Variants in DCT observed in about 807,000 individuals in gnomAD.
DCT encodes L-dopachrome tautomerase.
In DCT, 47 loss-of-function variants were observed where a neutral mutation model predicts 53.0. The ratio of observed to expected loss-of-function variants is 0.89; its 90% CI spans 0.70 to 1.13. The LOEUF (loss-of-function observed/expected upper bound fraction) is 1.13. Among genes scored for constraint, DCT ranks in the 50% most tolerant of loss-of-function variants. The pLI, the probability that DCT is intolerant of heterozygous loss-of-function variation, is 0.00. For missense variants in DCT, 669 were observed against 637.4 expected, an observed-to-expected ratio of 1.05 and a Z score of -0.53; for synonymous variants, 244 against 237.0, an observed-to-expected ratio of 1.03 and a Z score of -0.27.
chr13:94,479,177 G>A lies in DCT; in HGVS notation c.79C>T (p.Arg27Ter), dbSNP rs149961591. 23 of 1,612,490 alleles carry A rather than the reference G, an allele frequency of 1.4e-5. No individual in the cohort carries two copies. The highest frequency in any genetic ancestry group is 4.0e-5 in the African/African-American group (3 of 74,886). The stretch of plus-strand genomic sequence containing the variant: ...AGGCTGTCCACCGTCATGCAGACTC[G>A]GGGGAACTGACCCTGGGCTCCTGGC... ...ILPGAQGQFP[R>*]VCMTVDSLVN... The change falls in exon 1 of 8, where the codon CGA (arginine) becomes TGA (stop). Residue 27 changes from arginine to a stop codon, truncating the protein, a stop_gained. Coordinates refer to ENST00000377028, the MANE Select transcript of DCT (RefSeq NM_001922.5). LOFTEE classifies it high-confidence loss of function.
At chr13:94,492,765 C>T in the DCT span, among the ~76,000 whole-genome samples, 1 of 152,186 alleles carries the variant, frequency 6.6e-6, no homozygotes, top group Admixed American at 6.5e-5. Flanking sequence ...CACTCATGTT[C>T]TCACCATCAA....
the DCT span, among the ~76,000 whole-genome samples, chr13:94,532,058 G>C: frequency 6.6e-6 from 1 of 152,172 alleles, no homozygotes; most frequent in Admixed American, 6.6e-5. Context: ...CTGGTCATCA[G>C]AGAAATGCAA....
At chr13:94,478,857 A>T in intron 1 of DCT, 104 bp downstream of exon 1, 1 of 1,219,392 alleles carries the variant, frequency 8.2e-7, no homozygotes, top group South Asian at 1.5e-5. Flanking sequence ...TTTGCCTTTC[A>T]AAGCCTAATC....
rs775674378 is a variant in DCT at position 94,479,133 on chromosome 13, G to C, written c.123C>G (p.Cys41Trp). Residue 41 changes from cysteine to tryptophan, a missense_variant, in exon 1 of 8, where the codon TGC (cysteine) becomes TGG (tryptophan). Transcript: ENST00000377028. ...TVDSLVNKEC[C>W]PRLGAESANV... ...TGGCCGACTCTGCACCCAGGCGTGG[G>C]CAGCACTCCTTGTTCACTAGGCTGT... 1 of 1,614,172 alleles carries C rather than the reference G, an allele frequency of 6.2e-7. No individual in the cohort carries two copies. The highest frequency in any genetic ancestry group is 1.7e-5 in the Admixed American group (1 of 60,008).
chr13:94,448,427 C>T (rs532482320), intron 6 of DCT, among the ~76,000 whole-genome samples: 4 of 152,268 alleles, frequency 2.6e-5, no homozygotes, highest in East Asian at 3.9e-4. Flanking sequence ...GTACAATCTA[C>T]GGAATAGGTA....
chr13:94,482,027 T>C (rs2139389003), upstream of DCT, among the ~76,000 whole-genome samples: 1 of 152,312 alleles, frequency 6.6e-6, no homozygotes, highest in Middle Eastern at 3.4e-3. Context: ...AGAATAGAAA[T>C]TGAGAGTCAA....
chr13:94,546,115 G>C, the DCT span, among the ~76,000 whole-genome samples: 2 of 152,078 alleles, frequency 1.3e-5, no homozygotes, highest in African/African-American at 4.8e-5. This position sits in a 1 kb window ranked among gnomAD's most constrained non-coding sequence, Gnocchi z 4.2. Context: ...CTTCCTCTGT[G>C]CCTTTGAGAT....
the DCT span, among the ~76,000 whole-genome samples, chr13:94,538,522 C>T: frequency 3.9e-5 from 6 of 152,188 alleles, no homozygotes; most frequent in African/African-American, 1.2e-4. Flanking sequence ...TACCACATCT[C>T]CCCCTCTTCT....
At chr13:94,523,456 A>T in the DCT span, among the ~76,000 whole-genome samples, 2 of 152,166 alleles carry the variant, frequency 1.3e-5, no homozygotes, top group Non-Finnish European at 2.9e-5. Flanking sequence ...TAGTACTGTG[A>T]TGCACCATCT....
At chr13:94,504,091 T>C in the DCT span, among the ~76,000 whole-genome samples, 1 of 152,230 alleles carries the variant, frequency 6.6e-6, no homozygotes, top group African/African-American at 2.4e-5. Context: ...TTGCAAGACT[T>C]GGAATTAATA....
At chr13:94,463,787 T>A (rs1287006859) in intron 4 of DCT, among the ~76,000 whole-genome samples, 2 of 152,090 alleles carry the variant, frequency 1.3e-5, no homozygotes, top group Non-Finnish European at 2.9e-5. Flanking sequence ...TATGTGAGAA[T>A]ATAATCAGCA....
At chr13:94,448,845 A>G (rs182752867) in intron 6 of DCT, among the ~76,000 whole-genome samples, 12 of 152,196 alleles carry the variant, frequency 7.9e-5, no homozygotes, top group Admixed American at 2.0e-4. Context: ...TGGAGGCTGC[A>G]ATGAGCCAAG....
At chr13:94,492,459 G>C in the DCT span, among the ~76,000 whole-genome samples, 1 of 152,072 alleles carries the variant, frequency 6.6e-6, no homozygotes. Context: ...TGTGTTCCAG[G>C]GCAACATGAC....
the DCT span, among the ~76,000 whole-genome samples, chr13:94,525,255 C>T: frequency 2.4e-4 from 36 of 152,046 alleles, no homozygotes; most frequent in Non-Finnish European, 4.6e-4. Context: ...CATGCACCAC[C>T]ATACCTAGCT....
At position 94,463,138 on chromosome 13, in the gene DCT, T is replaced by A. The variant is rs76496181; in HGVS notation, c.864-949A>T. Among the ~76,000 whole-genome samples the A allele has an allele frequency of 8.2e-3, 1,253 of 152,190 alleles. 12 individuals carry two copies. Among genetic ancestry groups the A allele is most frequent in the African/African-American group, 0.028 (1,173 of 41,506 alleles). ...ATTTCTTTCTTTCTTTTTATTTAGT[T>A]TTTCTTTTTTAATTTAGAGATAGGG... On this transcript the variant is annotated intron_variant, in intron 4 of 7. Coordinates refer to ENST00000377028, the MANE Select transcript of DCT (RefSeq NM_001922.5).
intron 1 of DCT, among the ~76,000 whole-genome samples, chr13:94,475,282 C>T (rs9516422): frequency 0.13 from 19,927 of 152,120 alleles, 1,380 homozygotes; most frequent in South Asian, 0.19. Context: ...AAGAAAAAGA[C>T]CATCTAGCAA....
intron 6 of DCT, among the ~76,000 whole-genome samples, chr13:94,451,760 C>T (rs990988696): frequency 6.6e-6 from 1 of 152,116 alleles, no homozygotes; most frequent in African/African-American, 2.4e-5. Flanking sequence ...TGATCACATT[C>T]ATTTTCCATA....
chr13:94,449,076 C>A, intron 6 of DCT, among the ~76,000 whole-genome samples: 3 of 144,108 alleles, frequency 2.1e-5, no homozygotes, highest in African/African-American at 2.6e-5. Context: ...AGGATAGGTA[C>A]AGAAAAGGAA....
chr13:94,478,765 T>A (rs1024139681), intron 1 of DCT, among the ~76,000 whole-genome samples, 196 bp downstream of exon 1: 2 of 152,272 alleles, frequency 1.3e-5, no homozygotes, highest in African/African-American at 4.8e-5. Flanking sequence ...TTAGTCTTCA[T>A]AACTAGATGT....
Sources: gnomAD v4.1 joint callset for allele counts (sites outside exome capture counted in the v4.1 genomes callset) on GRCh38, gnomAD v4.1.1 for gene constraint, Gnocchi (gnomAD v3.1) non-coding constraint, MANE v1.5 for transcripts, NCBI Gene and HGNC (gene_info 2026-07-23, HGNC 2026-07-21) for gene names.